Variants in FGF12 observed in about 807,000 individuals in gnomAD.
The protein encoded by FGF12 is fibroblast growth factor 12B.
Under a neutral mutation model 23.6 loss-of-function variants are expected in FGF12, and 14 were observed. The observed-to-expected ratio is 0.59, with a 90% CI of 0.39 to 0.93. The LOEUF is 0.93. FGF12 is among the 40% of genes least tolerant of loss of function. The pLI, the probability that FGF12 is intolerant of heterozygous loss-of-function variation, is 0.00. For missense variants in FGF12, 175 were observed against 217.8 expected, an observed-to-expected ratio of 0.80 and a Z score of 1.24; for synonymous variants, 62 against 77.3, an observed-to-expected ratio of 0.80 and a Z score of 1.04.
chr3:192,350,647 G>C (rs1261372611), intron 3 of FGF12, among the ~76,000 whole-genome samples: 1 of 152,098 alleles, frequency 6.6e-6, no homozygotes, highest in Non-Finnish European at 1.5e-5. Context: ...AATGCCTTCA[G>C]GCAAGAACAT....
intron 4 of FGF12, among the ~76,000 whole-genome samples, chr3:192,257,569 C>T (rs1712480914): frequency 6.6e-6 from 1 of 152,138 alleles, no homozygotes; most frequent in Admixed American, 6.6e-5. Context: ...TTAACTTCCA[C>T]TTATGGTGCA....
intron 4 of FGF12, among the ~76,000 whole-genome samples, chr3:192,201,013 A>G (rs1717340624): frequency 1.3e-5 from 2 of 152,190 alleles, no homozygotes; most frequent in South Asian, 4.1e-4. Context: ...GAAAGTTTTC[A>G]TAAAGGGGTA....
chr3:192,264,347 T>C (rs1320055812), intron 4 of FGF12, among the ~76,000 whole-genome samples: 1 of 152,120 alleles, frequency 6.6e-6, no homozygotes, highest in African/African-American at 2.4e-5. Context: ...GGGTATATCA[T>C]ATTTTTTTGA....
chr3:192,503,427 C>CA (rs1382397108), intron 2 of FGF12, among the ~76,000 whole-genome samples: 2 of 152,028 alleles, frequency 1.3e-5, no homozygotes, highest in Non-Finnish European at 2.9e-5. Flanking sequence ...ATCAGTGATC[C>CA]AAAATCACTT....
intron 2 of FGF12, among the ~76,000 whole-genome samples, chr3:192,508,721 C>T (rs1187668552): frequency 6.6e-6 from 1 of 152,080 alleles, no homozygotes; most frequent in Non-Finnish European, 1.5e-5. Context: ...TAGTTGTATT[C>T]AAACACATTT....
intron 4 of FGF12, among the ~76,000 whole-genome samples, chr3:192,277,357 T>C (rs1428924674): frequency 6.6e-6 from 1 of 151,680 alleles, no homozygotes; most frequent in Non-Finnish European, 1.5e-5. Flanking sequence ...ACTTATTACT[T>C]TTATTGGGCT....
In FGF12 at chr3:192,561,597, T is replaced by C. The variant is rs533203571; in HGVS notation, c.13+165584A>G. ...CAGGATAGTCTCGATCTCCTGACCT[T>C]GTGATCCGCCCGCCTCGGCCTCCCA... On this transcript the variant is annotated intron_variant, in intron 2 of 5. Coordinates refer to ENST00000445105, the MANE Select transcript of FGF12 (RefSeq NM_004113.6). 4.7e-3 allele frequency among the ~76,000 whole-genome samples: 711 copies of C among 152,184 alleles called. 3 individuals carry two copies. The highest frequency in any genetic ancestry group is 0.012 in the African/African-American group (478 of 41,546).
intron 2 of FGF12, among the ~76,000 whole-genome samples, chr3:192,677,961 A>C: frequency 6.6e-6 from 1 of 152,238 alleles, no homozygotes. Context: ...GGTAGTGAGT[A>C]AGCCTAGCCG....
Position 192,370,004 on chromosome 3 carries a change from G to A in FGF12, c.14-9466C>T, listed in dbSNP as rs111863198. Reference sequence around the variant, plus strand: ...AATAGGCAGGAGGATTTTGCTTTGAGCAGCACCAGCAGGAGCAAGGGCACA... The same window carrying A: ...AATAGGCAGGAGGATTTTGCTTTGAACAGCACCAGCAGGAGCAAGGGCACA... On this transcript the variant is annotated intron_variant, in intron 2 of 5. Coordinates refer to ENST00000445105, the MANE Select transcript of FGF12 (RefSeq NM_004113.6). 7.6e-3 allele frequency among the ~76,000 whole-genome samples: 1,154 copies of A among 152,252 alleles called. 8 individuals carry two copies. The highest frequency in any genetic ancestry group is 0.026 in the African/African-American group (1,092 of 41,524).
intron 4 of FGF12, among the ~76,000 whole-genome samples, chr3:192,237,586 G>C (rs746333813): frequency 1.3e-5 from 2 of 151,952 alleles, no homozygotes; most frequent in African/African-American, 4.8e-5. Context: ...AACAGTCTTC[G>C]AGTTCTGAGA....
intron 2 of FGF12, among the ~76,000 whole-genome samples, chr3:192,591,910 AT>A (rs1312088229): frequency 6.6e-6 from 1 of 151,478 alleles, no homozygotes; most frequent in African/African-American, 2.4e-5. Context: ...GAAGCTAAGC[AT>A]TTTTTTTCTT....
intron 2 of FGF12, among the ~76,000 whole-genome samples, chr3:192,581,496 A>G (rs894794622): frequency 2.7e-5 from 4 of 148,394 alleles, no homozygotes; most frequent in South Asian, 2.1e-4. Flanking sequence ...GTATATATAT[A>G]TATATATATA....
At chr3:192,335,258 T>C in intron 4 of FGF12, 103 bp downstream of exon 4, 1 of 741,286 alleles carries the variant, frequency 1.3e-6, no homozygotes, top group South Asian at 1.8e-5. Context: ...AAATATAAAA[T>C]GACTTCAACT....
chr3:192,418,749 A>G (rs552568699), intron 2 of FGF12, among the ~76,000 whole-genome samples: 88 of 152,268 alleles, frequency 5.8e-4, no homozygotes, highest in Non-Finnish European at 1.0e-3. Flanking sequence ...TGCTCCAGCC[A>G]TGTAAGATGT....
intron 2 of FGF12, among the ~76,000 whole-genome samples, chr3:192,724,771 C>A (rs150322756): frequency 6.6e-6 from 1 of 152,262 alleles, no homozygotes; most frequent in East Asian, 1.9e-4. Context: ...TGAAGTTCAA[C>A]TTTCTGGATG....
intron 2 of FGF12, among the ~76,000 whole-genome samples, chr3:192,376,450 C>T (rs1162959870): frequency 6.6e-6 from 1 of 152,044 alleles, no homozygotes; most frequent in African/African-American, 2.4e-5. Flanking sequence ...GCAACCTCTG[C>T]CTCCCAGGTT....
At chr3:192,567,783 TTCTTTCTTTCTTTCTTTC>T (rs67835235) in intron 2 of FGF12, among the ~76,000 whole-genome samples, 2 of 135,364 alleles carry the variant, frequency 1.5e-5, no homozygotes, top group Non-Finnish European at 3.3e-5. Context: ...CTTTCTTTCT[TTCTTTCTTTCTTTCTTTC>T]TCTTTCTTTC....
At chr3:192,175,435 T>C (rs996491270) in intron 4 of FGF12, among the ~76,000 whole-genome samples, 1 of 152,162 alleles carries the variant, frequency 6.6e-6, no homozygotes, top group African/African-American at 2.4e-5. Context: ...TTCTATTCTA[T>C]GTCATGTGTG....
chr3:192,460,687 TA>T (rs1722838965), intron 2 of FGF12, among the ~76,000 whole-genome samples: 1 of 141,672 alleles, frequency 7.1e-6, no homozygotes, highest in African/African-American at 2.9e-5. Context: ...TATATTTATA[TA>T]TATATATATA....
Sources: allele counts gnomAD v4.1 joint callset (sites outside exome capture counted in the v4.1 genomes callset), GRCh38; gene constraint gnomAD v4.1.1; transcripts MANE v1.5; gene names NCBI Gene and HGNC (gene_info 2026-07-23, HGNC 2026-07-21).